PCDHGA1: variants seen among roughly 807,000 people sequenced by gnomAD.
PCDHGA1 encodes protocadherin gamma subfamily A, 1.
Under a neutral mutation model 58.0 loss-of-function variants are expected in PCDHGA1, and 32 were observed. The observed-to-expected ratio is 0.55, with a 90% CI of 0.42 to 0.74. PCDHGA1 has a LOEUF of 0.74. Among genes scored for constraint, PCDHGA1 ranks in the 30% least tolerant of loss-of-function variants. The probability of loss-of-function intolerance (pLI) is 0.00; values close to 1 mark genes in which losing one functional copy is unlikely to be tolerated. For missense variants in PCDHGA1, 1,205 were observed against 1,182.3 expected (o/e 1.02, Z -0.28); for synonymous variants, 498 against 501.1 (o/e 0.99, Z 0.08).
intron 1 of PCDHGA1, chr5:141,360,894 G>A (rs1262954387): frequency 6.2e-7 from 1 of 1,613,912 alleles, no homozygotes; most frequent in Non-Finnish European, 8.5e-7. Context: ...CCCTGAGGGA[G>A]GACGTGCCGC....
At chr5:141,374,495 T>C in intron 1 of PCDHGA1, 2 of 1,611,502 alleles carry the variant, frequency 1.2e-6, no homozygotes, top group Non-Finnish European at 8.5e-7. Context: ...AAAGGAAGAA[T>C]TGGAAGTGAA....
Position 141,410,050 on chromosome 5 carries a change from C to T in PCDHGA1, c.2421+76945C>T, listed in dbSNP as rs762077790. ...TGCTGCAGGCCAGTGAGCCCGGACT[C>T]TTCAGCCTGGGGCTGCGCACTGGGG... On this transcript the variant is annotated intron_variant, in intron 1 of 3. Coordinates refer to ENST00000517417, the MANE Select transcript of PCDHGA1 (RefSeq NM_018912.3). The T allele has an allele frequency of 6.2e-6, 10 of 1,613,180 alleles. No homozygotes were observed. In the East Asian group the frequency reaches 1.6e-4, roughly 25 times the overall value.
intron 1 of PCDHGA1, chr5:141,362,082 A>G: frequency 1.2e-6 from 2 of 1,612,988 alleles, no homozygotes; most frequent in Non-Finnish European, 1.7e-6. Context: ...TGCGTGATGG[A>G]GGACAGCCGC....
intron 1 of PCDHGA1, among the ~76,000 whole-genome samples, chr5:141,470,842 C>A (rs2099241464): frequency 6.6e-6 from 1 of 152,044 alleles, no homozygotes; most frequent in Non-Finnish European, 1.5e-5. Context: ...CACACGCCAC[C>A]ATGCTCAGAT....
rs1303251971 is a variant in PCDHGA1, at chr5:141,333,381, TTAGAAACGGCGATC to T, written c.2421+280_2421+293del. 10 of 538,642 alleles carry T rather than the reference TTAGAAACGGCGATC, an allele frequency of 1.9e-5. No homozygotes were observed. In the Admixed American group the frequency reaches 3.1e-4, roughly 17 times the overall value. The allele number at this position is 538,642 out of a possible 1,614,324, so 33.4% of individuals were successfully genotyped here. On this transcript the variant is annotated intron_variant, in intron 1 of 3. Transcript: ENST00000517417. ...ATCTCTGTTTGGAAAGAGCACTGCA[TTAGAAACGGCGATC>T]TAGCTTCTAACATTTTCTTACTTGC...
chr5:141,341,140 C>G, intron 1 of PCDHGA1: 2 of 1,612,344 alleles, frequency 1.2e-6, no homozygotes, highest in East Asian at 2.2e-5. Flanking sequence ...ACAAGTCACG[C>G]CTGCTGCAGG....
Position 141,491,622 on chromosome 5 carries a change from C to T in PCDHGA1, c.2422-3185C>T, listed in dbSNP as rs980546113. 15 of 1,613,786 alleles carry T rather than the reference C, an allele frequency of 9.3e-6. No individual in the cohort carries two copies. Among genetic ancestry groups the T allele is most frequent in the Non-Finnish European group, 1.3e-5 (15 of 1,180,002 alleles). Reference sequence around the variant, plus strand: ...ACTTCACTTTTCTAAGACCCCTCAGCGTTCAGCAGCCCACAGCTCTGGCGC... The same window carrying T: ...ACTTCACTTTTCTAAGACCCCTCAGTGTTCAGCAGCCCACAGCTCTGGCGC... On this transcript the variant is annotated intron_variant, in intron 1 of 3. Transcript: ENST00000517417. This position sits in a 1 kb window ranked among gnomAD's most constrained non-coding sequence, Gnocchi z 6.9.
intron 2 of PCDHGA1, among the ~76,000 whole-genome samples, chr5:141,503,091 G>A (rs2099818095): frequency 6.6e-6 from 1 of 151,808 alleles, no homozygotes; most frequent in African/African-American, 2.4e-5. Flanking sequence ...CTGACCTCGT[G>A]GTCTGCCCGC....
chr5:141,350,078 T>G (rs1262887949), intron 1 of PCDHGA1: 5 of 437,494 alleles, frequency 1.1e-5, no homozygotes, highest in Non-Finnish European at 2.0e-5. Flanking sequence ...TTCTCAATTC[T>G]GCAGGAGCGT....
At chr5:141,454,123 C>CT (rs1273558932) in intron 1 of PCDHGA1, among the ~76,000 whole-genome samples, 5 of 152,194 alleles carry the variant, frequency 3.3e-5, no homozygotes, top group Non-Finnish European at 7.3e-5. Flanking sequence ...GAAGAAATAG[C>CT]TGACCATGGG....
At chr5:141,365,018 G>C in intron 1 of PCDHGA1, 1 of 1,613,880 alleles carries the variant, frequency 6.2e-7, no homozygotes, top group Non-Finnish European at 8.5e-7. Context: ...GCACATCCGT[G>C]TTACGGTCCT....
At chr5:141,365,799 C>G (rs755374983) in intron 1 of PCDHGA1, 1 of 1,613,942 alleles carries the variant, frequency 6.2e-7, no homozygotes, top group South Asian at 1.1e-5. Flanking sequence ...GTCACCTACT[C>G]CCTGGCTGAA....
intron 1 of PCDHGA1, chr5:141,412,395 T>G (rs941350125): frequency 1.3e-5 from 2 of 152,246 alleles, no homozygotes; most frequent in African/African-American, 4.8e-5. Flanking sequence ...ATTTAACTTG[T>G]ATCCCTGTAA....
intron 1 of PCDHGA1, among the ~76,000 whole-genome samples, chr5:141,450,006 C>CTATTTT (rs70988802): frequency 0.12 from 16,177 of 132,696 alleles, 1,810 homozygotes; most frequent in African/African-American, 0.21. Flanking sequence ...TGCCATGTCT[C>CTATTTT]TTTTTTTTTT....
Position 141,491,208 on chromosome 5 carries a change from C to A in PCDHGA1, c.2422-3599C>A. ...TGAGGGACAATGGTGACCCTTCACT[C>A]TCCTCCACAGCCACAGTGCTGCTGG... On this transcript the variant is annotated intron_variant, in intron 1 of 3. Coordinates refer to ENST00000517417, the MANE Select transcript of PCDHGA1 (RefSeq NM_018912.3). The surrounding 1 kb of genome is among the most constrained non-coding windows in gnomAD (Gnocchi z 6.9). The A allele has an allele frequency of 6.2e-7, 1 of 1,614,204 alleles. No homozygotes were observed. Among genetic ancestry groups the A allele is most frequent in the African/African-American group, 1.3e-5 (1 of 75,058 alleles).
chr5:141,363,477 T>G (rs1011595673), intron 1 of PCDHGA1, among the ~76,000 whole-genome samples: 9 of 152,238 alleles, frequency 5.9e-5, no homozygotes, highest in Non-Finnish European at 1.0e-4. Context: ...CATGCTTTCC[T>G]GCATGGATGA....
intron 1 of PCDHGA1, chr5:141,372,861 T>C (rs1283954034): frequency 7.0e-7 from 1 of 1,420,218 alleles, no homozygotes; most frequent in South Asian, 1.4e-5. Context: ...TTTCAATTCA[T>C]TGATTTAGAG....
intron 1 of PCDHGA1, among the ~76,000 whole-genome samples, chr5:141,483,631 T>C (rs973545851): frequency 2.7e-5 from 4 of 149,022 alleles, no homozygotes; most frequent in African/African-American, 1.0e-4. Flanking sequence ...TGGGAGAAGG[T>C]ATAGAGGGGT....
chr5:141,371,993 G>C, intron 1 of PCDHGA1: 2 of 1,613,268 alleles, frequency 1.2e-6, no homozygotes, highest in Non-Finnish European at 1.7e-6. Context: ...TCACTCTGCA[G>C]GCCCGCGACC....
Sources: gnomAD v4.1 joint callset for allele counts (sites outside exome capture counted in the v4.1 genomes callset) on GRCh38, gnomAD v4.1.1 for gene constraint, Gnocchi (gnomAD v3.1) non-coding constraint, MANE v1.5 for transcripts, NCBI Gene and HGNC (gene_info 2026-07-23, HGNC 2026-07-21) for gene names.